Variants in CDH7 observed in about 807,000 individuals in gnomAD.
CDH7 encodes cadherin-7.
In CDH7, 25 loss-of-function variants were observed where a neutral mutation model predicts 71.8. The ratio of observed to expected loss-of-function variants is 0.35; its 90% CI spans 0.25 to 0.49. The LOEUF is 0.49. Among genes scored for constraint, CDH7 ranks in the 20% least tolerant of loss-of-function variants. CDH7 has a pLI of 0.99. For missense variants in CDH7, 862 were observed against 974.6 expected, an observed-to-expected ratio of 0.88 and a Z score of 1.54; for synonymous variants, 381 against 363.8, an observed-to-expected ratio of 1.05 and a Z score of -0.54.
At chr18:65,877,725 C>G (rs1914112850) in intron 11 of CDH7, among the ~76,000 whole-genome samples, 1 of 152,132 alleles carries the variant, frequency 6.6e-6, no homozygotes, top group Non-Finnish European at 1.5e-5. Flanking sequence ...TGATTTCTCA[C>G]TAAGAAGTCC....
chr18:65,800,128 G>A (rs890338453), intron 2 of CDH7, among the ~76,000 whole-genome samples: 2 of 152,120 alleles, frequency 1.3e-5, no homozygotes, highest in Non-Finnish European at 1.5e-5. Context: ...CGCCCAGGCT[G>A]GAGTGAAGTG....
At chr18:65,854,532 C>A (rs1913280222) in intron 7 of CDH7, among the ~76,000 whole-genome samples, 1 of 151,942 alleles carries the variant, frequency 6.6e-6, no homozygotes, top group Non-Finnish European at 1.5e-5. Flanking sequence ...TATTCTAACG[C>A]TAGGATCTTT....
At chr18:65,795,318 G>T (rs17075207) in intron 2 of CDH7, among the ~76,000 whole-genome samples, 4,467 of 152,158 alleles carry the variant, frequency 0.029, 237 homozygotes, top group African/African-American at 0.1. Context: ...CAACAGCAAA[G>T]GATGTTTTAG....
In CDH7 at chr18:65,824,628, G is replaced by T; in HGVS notation, c.794-16G>T. The T allele has an allele frequency of 6.7e-7, 1 of 1,496,844 alleles. No individual in the cohort carries two copies. The highest frequency in any genetic ancestry group is 9.0e-7 in the Non-Finnish European group (1 of 1,116,506). The allele number at this position is 1,496,844 out of a possible 1,614,324, so 92.7% of individuals were successfully genotyped here. A position where few individuals can be genotyped will look rare whatever the true frequency, so the allele number is the denominator to read the frequency against. ...GTTTGGTGTAACGTGTTCATTTCTT[G>T]CTTTGAATTTCACAGGGTCTTATCA... On this transcript the variant is annotated splice_polypyrimidine_tract_variant and intron_variant, in intron 5 of 11. Coordinates refer to ENST00000397968, the MANE Select transcript of CDH7 (RefSeq NM_004361.5).
chr18:65,767,129 A>C (rs1598989110), intron 2 of CDH7, among the ~76,000 whole-genome samples: 2 of 130,254 alleles, frequency 1.5e-5, no homozygotes, highest in African/African-American at 3.1e-5. Context: ...TTTCTTCCTT[A>C]CTCATTCAGG....
At position 65,843,956 on chromosome 18, in the gene CDH7, G is replaced by A. The variant is rs1469038371; in HGVS notation, c.1126G>A (p.Val376Met). Residue 376 changes from valine (V) to methionine (M), a missense_variant, in exon 7 of 12, where the codon GTG (valine) becomes ATG (methionine). Physicochemically the swap from Val to Met is conservative, Grantham distance 21 (BLOSUM62 1). Coordinates refer to ENST00000397968, the MANE Select transcript of CDH7 (RefSeq NM_004361.5). ...IIVEDVDEPPVFSSPLYPMEV... is the reference protein window; with the variant it reads ...IIVEDVDEPPMFSSPLYPMEV... ...TGTGGAAGATGTAGATGAGCCCCCT[G>A]TGTTCTCTTCACCCTTGTACCCTAT... is the stretch of plus-strand genomic sequence containing the variant. 1.9e-6 allele frequency: 3 copies of A among 1,612,166 alleles called. No individual in the cohort carries two copies. The highest frequency in any genetic ancestry group is 2.5e-6 in the Non-Finnish European group (3 of 1,178,988).
Position 65,888,116 on chromosome 18 carries a change from G to A in CDH7, c.*7222G>A, listed in dbSNP as rs185005004. On this transcript the variant is annotated 3_prime_UTR_variant, in exon 12 of 12. Transcript: ENST00000397968. The stretch of plus-strand genomic sequence containing the variant: ...TGTCCAAACTGAATAGATTATTTTC[G>A]TTCAGCTCAAGTGCTATCTTTCAGG... The A allele has an allele frequency of 2.0e-5, 3 of 152,038 alleles. No individual in the cohort carries two copies. The highest frequency in any genetic ancestry group is 4.1e-4 in the South Asian group (2 of 4,826). The allele number at this position is 152,038 out of a possible 1,614,324, so 9.4% of individuals were successfully genotyped here.
In CDH7 at chr18:65,766,885, TAAAAAAAAAAAAAAAAAAAAAA is replaced by T. The variant is rs61611288; in HGVS notation, c.210+3849_210+3870del. 2.9e-3 allele frequency among the ~76,000 whole-genome samples: 259 copies of T among 88,608 alleles called. 3 individuals carry two copies. The highest frequency in any genetic ancestry group is 7.3e-3 in the South Asian group (22 of 3,020). 58.1% of individuals were successfully genotyped at this position (88,608 alleles called of 152,430 possible). ...CTTAACGTCCTGTAACTGTCTGACG[TAAAAAAAAAAAAAAAAAAAAAA>T]AAAAAAAAAAAAAAAGTCTACAAAA... On this transcript the variant is annotated intron_variant, in intron 2 of 11. Transcript: ENST00000397968.
rs115699560 is a variant in CDH7 at position 65,847,515 on chromosome 18, C to T, written c.1235+3450C>T. Among the ~76,000 whole-genome samples the T allele has an allele frequency of 5.2e-3, 786 of 152,180 alleles. 10 individuals carry two copies. The highest frequency in any genetic ancestry group is 0.018 in the African/African-American group (759 of 41,534). ...TAGAAAAATATACATTTAGTTGCCC[C>T]CAGCAAGGCGAAATTGATATTGTCT... On this transcript the variant is annotated intron_variant, in intron 7 of 11. Transcript: ENST00000397968.
chr18:65,856,262 C>T (rs1487238431), intron 7 of CDH7, among the ~76,000 whole-genome samples: 2 of 151,940 alleles, frequency 1.3e-5, no homozygotes, highest in African/African-American at 4.8e-5. Flanking sequence ...CTGACACAAA[C>T]AAAATAAGAT....
intron 4 of CDH7, among the ~76,000 whole-genome samples, chr18:65,819,341 G>A (rs1247701500): frequency 1.3e-5 from 2 of 152,142 alleles, no homozygotes; most frequent in Non-Finnish European, 2.9e-5. Context: ...CGGGCACGCT[G>A]CCTGTGAGTT....
chr18:65,772,328 A>G (rs1320212950), intron 2 of CDH7, among the ~76,000 whole-genome samples: 2 of 152,196 alleles, frequency 1.3e-5, no homozygotes, highest in African/African-American at 2.4e-5. Context: ...AAGAAATAAG[A>G]TAAAAATCGG....
intron 7 of CDH7, among the ~76,000 whole-genome samples, chr18:65,845,438 C>A (rs766614400): frequency 6.6e-6 from 1 of 151,914 alleles, no homozygotes; most frequent in African/African-American, 2.4e-5. Flanking sequence ...AATAAGCCTT[C>A]CCCTCTTCTC....
At chr18:65,752,302 G>A (rs1461389532) in intron 1 of CDH7, among the ~76,000 whole-genome samples, 4 of 152,266 alleles carry the variant, frequency 2.6e-5, no homozygotes, top group African/African-American at 7.2e-5. Context: ...ATTTTTAAAA[G>A]CAGATAACAC....
chr18:65,860,597 G>A (rs1053661398), intron 10 of CDH7, among the ~76,000 whole-genome samples: 1 of 152,088 alleles, frequency 6.6e-6, no homozygotes, highest in Non-Finnish European at 1.5e-5. Flanking sequence ...TGGAAGGAGA[G>A]CATTTGAAAC....
At chr18:65,770,215 AT>A (rs1022885627) in intron 2 of CDH7, among the ~76,000 whole-genome samples, 4 of 151,962 alleles carry the variant, frequency 2.6e-5, no homozygotes, top group Admixed American at 6.6e-5. Context: ...TTTGCTTATT[AT>A]TTTTTTTCTG....
chr18:65,831,689 CA>C (rs1912354491), intron 6 of CDH7, among the ~76,000 whole-genome samples: 1 of 151,764 alleles, frequency 6.6e-6, no homozygotes. Flanking sequence ...ATCTGCAGAA[CA>C]ATAAATGAGT....
intron 2 of CDH7, among the ~76,000 whole-genome samples, chr18:65,778,431 G>A (rs1910040287): frequency 6.6e-6 from 1 of 150,970 alleles, no homozygotes; most frequent in Non-Finnish European, 1.5e-5. Context: ...TTATTCCCAG[G>A]ATATCCACCA....
chr18:65,877,899 T>G (rs1379373784), intron 11 of CDH7, among the ~76,000 whole-genome samples: 1 of 152,188 alleles, frequency 6.6e-6, no homozygotes, highest in Admixed American at 6.5e-5. Flanking sequence ...CCTTTTGAGC[T>G]TTCATACTTG....
Sources: allele counts gnomAD v4.1 joint callset (sites outside exome capture counted in the v4.1 genomes callset), GRCh38; gene constraint gnomAD v4.1.1; transcripts MANE v1.5; gene names NCBI Gene and HGNC (gene_info 2026-07-23, HGNC 2026-07-21).